SLC25A48: variants seen among roughly 807,000 people sequenced by gnomAD.
The protein encoded by SLC25A48 is solute carrier family 25 member 48.
SLC25A48 carries 29 observed loss-of-function variants against 32.2 expected under a neutral mutation model. The observed-to-expected ratio is 0.90, with a 90% confidence interval of 0.67 to 1.23. SLC25A48 has a LOEUF of 1.23. SLC25A48 is among the 50% of genes most tolerant of loss of function. The pLI is 0.00. For synonymous variants in SLC25A48, 164 were observed against 172.3 expected (o/e 0.95, Z 0.38); for missense variants, 399 against 422.7 (o/e 0.94, Z 0.49).
At chr5:135,678,411 T>G (rs1753818635) in intron 3 of SLC25A48, among the ~76,000 whole-genome samples, 1 of 152,334 alleles carries the variant, frequency 6.6e-6, no homozygotes, top group East Asian at 1.9e-4. Flanking sequence ...CTGGTAAATT[T>G]CTCATTCACA....
chr5:135,751,729 G>T (rs1755775215), intron 3 of SLC25A48, among the ~76,000 whole-genome samples: 1 of 152,162 alleles, frequency 6.6e-6, no homozygotes, highest in Admixed American at 6.5e-5. Context: ...AGCTACTTGG[G>T]AGGCTAAGGC....
chr5:135,813,379 G>A (rs917819206), intron 4 of SLC25A48, among the ~76,000 whole-genome samples: 1 of 152,176 alleles, frequency 6.6e-6, no homozygotes, highest in African/African-American at 2.4e-5. Context: ...GTGGGAATGA[G>A]AGTGGTTGAA....
intron 1 of SLC25A48, among the ~76,000 whole-genome samples, chr5:135,601,407 C>T (rs1259015098): frequency 6.6e-6 from 1 of 152,162 alleles, no homozygotes; most frequent in East Asian, 1.9e-4. Flanking sequence ...TCTGGCCTTT[C>T]CTTAATTCTC....
intron 4 of SLC25A48, among the ~76,000 whole-genome samples, chr5:135,813,303 G>T (rs1173475173): frequency 6.6e-6 from 1 of 152,240 alleles, no homozygotes; most frequent in East Asian, 1.9e-4. Context: ...AGCAGCGTGG[G>T]TTGGGGGAGT....
chr5:135,779,802 A>G lies in SLC25A48; in HGVS notation c.-520-32721A>G. 1.7e-5 allele frequency among the ~76,000 whole-genome samples: 2 copies of G among 116,346 alleles called. 1 individual carries two copies. Among genetic ancestry groups the G allele is most frequent in the Non-Finnish European group, 4.2e-5 (2 of 47,136 alleles). 76.3% of individuals were successfully genotyped at this position (116,346 alleles called of 152,430 possible). A position where few individuals can be genotyped will look rare whatever the true frequency, so the allele number is the denominator to read the frequency against. ...TCCAACTGGGGAGAGGATAATATTGATCTCAATATCGCAAGGGGTGTACAC... is the reference window on the plus strand; with the variant it reads ...TCCAACTGGGGAGAGGATAATATTGGTCTCAATATCGCAAGGGGTGTACAC... On this transcript the variant is annotated intron_variant, in intron 3 of 10. Transcript: ENST00000646290.
chr5:135,681,149 A>G (rs111460080), intron 3 of SLC25A48, among the ~76,000 whole-genome samples: 5,737 of 152,078 alleles, frequency 0.038, 143 homozygotes, highest in African/African-American at 0.068. Flanking sequence ...CTAATTTTGT[A>G]TCTTTAGTAG....
At chr5:135,874,176 G>A (rs1031679297) in intron 6 of SLC25A48, 22 bp downstream of exon 6, 26 of 1,428,162 alleles carry the variant, frequency 1.8e-5, no homozygotes, top group African/African-American at 2.9e-5. Context: ...GCAGGCCTGC[G>A]GGGTCAGTGT....
chr5:135,651,247 C>CAA (rs2126925543), intron 3 of SLC25A48, among the ~76,000 whole-genome samples: 1 of 152,324 alleles, frequency 6.6e-6, no homozygotes, highest in East Asian at 1.9e-4. Context: ...TGCCTTGCTC[C>CAA]TGCAGATGGG....
intron 3 of SLC25A48, among the ~76,000 whole-genome samples, chr5:135,707,046 G>T (rs1198647053): frequency 6.6e-6 from 1 of 152,212 alleles, no homozygotes; most frequent in East Asian, 1.9e-4. Flanking sequence ...TTTGAGAGGG[G>T]GCACTTCCAG....
chr5:135,659,547 CA>C (rs1448323968), intron 3 of SLC25A48, among the ~76,000 whole-genome samples: 1 of 152,224 alleles, frequency 6.6e-6, no homozygotes, highest in African/African-American at 2.4e-5. Context: ...TATCCAGTTC[CA>C]AAGTTGCTTT....
chr5:135,745,085 C>G (rs761755797), intron 3 of SLC25A48, among the ~76,000 whole-genome samples: 3 of 152,146 alleles, frequency 2.0e-5, no homozygotes, highest in Non-Finnish European at 4.4e-5. Context: ...GGAATTAAGA[C>G]AAAGACACAG....
At chr5:135,587,538 A>G (rs1363952474) in intron 1 of SLC25A48, among the ~76,000 whole-genome samples, 1 of 152,126 alleles carries the variant, frequency 6.6e-6, no homozygotes, top group Non-Finnish European at 1.5e-5. Flanking sequence ...CTGGGGTGAG[A>G]AGATTGTGAC....
intron 3 of SLC25A48, among the ~76,000 whole-genome samples, chr5:135,775,112 G>A (rs11959703): frequency 0.3 from 45,925 of 151,604 alleles, 7,114 homozygotes; most frequent in East Asian, 0.46. Context: ...AAAATTGCAT[G>A]GGGTGTACAC....
intron 3 of SLC25A48, among the ~76,000 whole-genome samples, chr5:135,771,619 CA>C (rs1756413125): frequency 6.6e-6 from 1 of 151,504 alleles, no homozygotes; most frequent in Non-Finnish European, 1.5e-5. Context: ...CTTTGTATCA[CA>C]GGGGGTGTAC....
At chr5:135,846,162 C>T (rs188016799) in intron 2 of SLC25A48, among the ~76,000 whole-genome samples, 10 of 152,314 alleles carry the variant, frequency 6.6e-5, no homozygotes, top group African/African-American at 2.4e-4. Context: ...AGGTTGCCCG[C>T]TCTTTATGAG....
At chr5:135,603,080 CT>C (rs1751840001) in intron 1 of SLC25A48, among the ~76,000 whole-genome samples, 1 of 152,202 alleles carries the variant, frequency 6.6e-6, no homozygotes, top group Non-Finnish European at 1.5e-5. Context: ...TTGGTGGGGT[CT>C]CCCCTGACCA....
At chr5:135,643,549 T>C (rs1752888808) in intron 3 of SLC25A48, among the ~76,000 whole-genome samples, 1 of 152,204 alleles carries the variant, frequency 6.6e-6, no homozygotes, top group African/African-American at 2.4e-5. Context: ...AATGAAGGGG[T>C]GACTTGCCCT....
chr5:135,721,200 T>A (rs1754946473), intron 3 of SLC25A48, among the ~76,000 whole-genome samples: 1 of 85,844 alleles, frequency 1.2e-5, no homozygotes, highest in Non-Finnish European at 2.8e-5. Context: ...GCCTTTTTTT[T>A]TTTTTTTTTT....
intron 6 of SLC25A48, among the ~76,000 whole-genome samples, chr5:135,879,611 A>AGTGTGTGTGT (rs775091968): frequency 7.5e-5 from 9 of 119,414 alleles, no homozygotes; most frequent in South Asian, 2.9e-4. Context: ...AGAGAGAGAG[A>AGTGTGTGTGT]GTGTGTGTGT....
Sources: gnomAD v4.1 joint callset for allele counts (sites outside exome capture counted in the v4.1 genomes callset) on GRCh38, gnomAD v4.1.1 for gene constraint, MANE v1.5 for transcripts, NCBI Gene and HGNC (gene_info 2026-07-23, HGNC 2026-07-21) for gene names.